Variants in SDC2 observed in about 807,000 individuals in gnomAD.
The protein encoded by SDC2 is syndecan-2.
Under a neutral mutation model 22.2 loss-of-function variants are expected in SDC2, and 13 were observed. That is an observed-to-expected ratio of 0.59 (90% confidence interval 0.38 to 0.93). SDC2 has a LOEUF of 0.93. Ranked by LOEUF, SDC2 falls within the 40% of genes least tolerant of loss-of-function variation. The pLI is 0.00. For synonymous variants in SDC2, 94 were observed against 92.8 expected, an observed-to-expected ratio of 1.01 and a Z score of -0.07; for missense variants, 235 against 246.8, an observed-to-expected ratio of 0.95 and a Z score of 0.32.
At chr8:96,567,533 C>G (rs1814320674) in intron 1 of SDC2, among the ~76,000 whole-genome samples, 1 of 152,128 alleles carries the variant, frequency 6.6e-6, no homozygotes, top group African/African-American at 2.4e-5. Flanking sequence ...CTCCAGTGTC[C>G]ACCTTACCAT....
intron 1 of SDC2, among the ~76,000 whole-genome samples, chr8:96,522,047 C>A (rs990960433): frequency 1.3e-5 from 2 of 152,088 alleles, no homozygotes; most frequent in African/African-American, 4.8e-5. Flanking sequence ...TTTCTGTAGT[C>A]CTACCATCCT....
chr8:96,501,342 C>T (rs1239599189), intron 1 of SDC2, among the ~76,000 whole-genome samples: 3 of 129,310 alleles, frequency 2.3e-5, no homozygotes, highest in Non-Finnish European at 4.7e-5. Flanking sequence ...AGTCTCACTC[C>T]GTCGCCCAGG....
rs1815002292 is a variant in SDC2, at chr8:96,602,328, G to A, written c.173-67G>A. ...CTGTCAGTGTCAACGTCAGGCAATA[G>A]TGCCTGATAATGGAGACATCTGTGT... On this transcript the variant is annotated intron_variant, in intron 2 of 4. Transcript: ENST00000302190. 4 of 1,499,854 alleles carry A rather than the reference G, an allele frequency of 2.7e-6. No homozygotes were observed. The Admixed American group carries it at 7.3e-5, about 27-fold the overall frequency. The allele number at this position is 1,499,854 out of a possible 1,614,324, so 92.9% of individuals were successfully genotyped here.
At chr8:96,591,226 A>C (rs1014953848) in intron 1 of SDC2, among the ~76,000 whole-genome samples, 3 of 152,244 alleles carry the variant, frequency 2.0e-5, no homozygotes, top group African/African-American at 7.2e-5. Flanking sequence ...GAGGAAAATG[A>C]AAGTCATTCA....
chr8:96,596,659 G>GT (rs1268015652), intron 2 of SDC2, among the ~76,000 whole-genome samples: 1 of 152,218 alleles, frequency 6.6e-6, no homozygotes. Flanking sequence ...TAACAAAAAT[G>GT]TAAGAGGTAA....
chr8:96,602,059 G>T (rs1432920633), intron 2 of SDC2, among the ~76,000 whole-genome samples: 1 of 152,106 alleles, frequency 6.6e-6, no homozygotes, highest in East Asian at 1.9e-4. Flanking sequence ...CACCTGGACT[G>T]TTGTGTTCTT....
intron 1 of SDC2, among the ~76,000 whole-genome samples, chr8:96,543,810 G>A (rs1813889423): frequency 6.6e-6 from 1 of 152,182 alleles, no homozygotes; most frequent in South Asian, 2.1e-4. Context: ...TGTATTATAA[G>A]TGCGTGTTCC....
At chr8:96,536,446 C>G (rs1209114786) in intron 1 of SDC2, among the ~76,000 whole-genome samples, 1 of 152,184 alleles carries the variant, frequency 6.6e-6, no homozygotes, top group Non-Finnish European at 1.5e-5. Flanking sequence ...TCAGCCTCAA[C>G]AAGTAGCTGA....
intron 1 of SDC2, among the ~76,000 whole-genome samples, chr8:96,500,834 CTG>C (rs1813149971): frequency 6.6e-6 from 1 of 152,108 alleles, no homozygotes; most frequent in South Asian, 2.1e-4. Flanking sequence ...GGAGAGGACA[CTG>C]TTGAAATAGA....
At chr8:96,530,095 A>G (rs1813636905) in intron 1 of SDC2, among the ~76,000 whole-genome samples, 1 of 152,128 alleles carries the variant, frequency 6.6e-6, no homozygotes, top group Admixed American at 6.5e-5. Context: ...TATATACATT[A>G]AAGGTGCTTA....
At chr8:96,524,800 T>C (rs961177709) in intron 1 of SDC2, among the ~76,000 whole-genome samples, 3 of 152,190 alleles carry the variant, frequency 2.0e-5, no homozygotes, top group African/African-American at 7.2e-5. Flanking sequence ...ACTGCAGGCT[T>C]CATTGGGCTG....
chr8:96,569,698 T>G (rs1334273201), intron 1 of SDC2, among the ~76,000 whole-genome samples: 2 of 152,208 alleles, frequency 1.3e-5, no homozygotes, highest in African/African-American at 2.4e-5. Context: ...TCATTTAATT[T>G]TTCAGTAACC....
intron 1 of SDC2, among the ~76,000 whole-genome samples, chr8:96,555,049 A>G (rs1296963936): frequency 2.0e-5 from 3 of 150,642 alleles, no homozygotes; most frequent in South Asian, 4.2e-4. Flanking sequence ...CCCACTGTAT[A>G]CTCTCCAAAC....
chr8:96,538,114 C>T (rs1813783717), intron 1 of SDC2, among the ~76,000 whole-genome samples: 1 of 152,162 alleles, frequency 6.6e-6, no homozygotes, highest in Non-Finnish European at 1.5e-5. Flanking sequence ...AGGCGCACAC[C>T]ACCACGCCCG....
intron 1 of SDC2, among the ~76,000 whole-genome samples, chr8:96,540,340 G>GTGTGTATATATATA (rs4058341): frequency 6.5e-5 from 8 of 123,662 alleles, no homozygotes; most frequent in South Asian, 3.0e-4. Context: ...ATATATATGT[G>GTGTGTATATATATA]TATATATATA....
chr8:96,527,606 G>C (rs533957991), intron 1 of SDC2, among the ~76,000 whole-genome samples: 32 of 152,174 alleles, frequency 2.1e-4, no homozygotes, highest in Non-Finnish European at 3.2e-4. Context: ...GTTCAAGGGG[G>C]TCTCATAACC....
At chr8:96,535,763 A>C (rs897051029) in intron 1 of SDC2, among the ~76,000 whole-genome samples, 7 of 152,222 alleles carry the variant, frequency 4.6e-5, no homozygotes. Flanking sequence ...ACTTAGAAAA[A>C]TATTGTCTTC....
chr8:96,578,923 C>T (rs1814547128), intron 1 of SDC2, among the ~76,000 whole-genome samples: 1 of 152,198 alleles, frequency 6.6e-6, no homozygotes, highest in South Asian at 2.1e-4. Flanking sequence ...CCCATTTCCT[C>T]AGTAAACTCC....
chr8:96,556,249 A>G (rs1342380081), intron 1 of SDC2, among the ~76,000 whole-genome samples: 1 of 152,100 alleles, frequency 6.6e-6, no homozygotes, highest in Non-Finnish European at 1.5e-5. Flanking sequence ...AAACTGTATT[A>G]TGTTTATCAG....
Sources: gnomAD v4.1 joint callset for allele counts (sites outside exome capture counted in the v4.1 genomes callset) on GRCh38, gnomAD v4.1.1 for gene constraint, MANE v1.5 for transcripts, NCBI Gene and HGNC (gene_info 2026-07-23, HGNC 2026-07-21) for gene names.